RBM47: variants seen among roughly 807,000 people sequenced by gnomAD.
The protein encoded by RBM47 is RNA binding motif protein 47.
A neutral mutation model predicts 47.1 loss-of-function variants in RBM47; 21 were observed. The observed-to-expected ratio is 0.45, with a 90% CI of 0.32 to 0.64. The LOEUF (loss-of-function observed/expected upper bound fraction) is 0.64. RBM47 is among the 30% of genes least tolerant of loss of function. RBM47 has a pLI of 0.05. For missense variants in RBM47, 708 were observed against 870.9 expected, an observed-to-expected ratio of 0.81 and a Z score of 2.35; for synonymous variants, 375 against 361.7, an observed-to-expected ratio of 1.04 and a Z score of -0.42.
intron 1 of RBM47, among the ~76,000 whole-genome samples, chr4:40,579,006 C>T (rs4861247): frequency 0.6 from 90,738 of 151,732 alleles, 27,512 homozygotes; most frequent in East Asian, 0.72. Context: ...GTACTCCCAG[C>T]TACTCAGGAG....
intron 2 of RBM47, among the ~76,000 whole-genome samples, chr4:40,500,566 G>T (rs375023014): frequency 6.6e-6 from 1 of 151,936 alleles, no homozygotes; most frequent in Non-Finnish European, 1.5e-5. Flanking sequence ...AGCCATGACT[G>T]TGCCTGGGTG....
chr4:40,552,618 T>C (rs989234950), intron 1 of RBM47, among the ~76,000 whole-genome samples: 1 of 152,124 alleles, frequency 6.6e-6, no homozygotes, highest in Non-Finnish European at 1.5e-5. Context: ...TCACGTCACT[T>C]CCCTTCTCAA....
At chr4:40,580,987 C>T (rs1326445686) in intron 1 of RBM47, among the ~76,000 whole-genome samples, 2 of 152,202 alleles carry the variant, frequency 1.3e-5, no homozygotes, top group African/African-American at 2.4e-5. Context: ...ATTTTGTTTT[C>T]GCTTTAATTC....
chr4:40,618,618 G>A (rs1027242077), intron 1 of RBM47, among the ~76,000 whole-genome samples: 15 of 151,276 alleles, frequency 9.9e-5, no homozygotes, highest in African/African-American at 3.2e-4. Context: ...AGACCAGCCT[G>A]ACCAACATGG....
intron 2 of RBM47, among the ~76,000 whole-genome samples, chr4:40,507,744 C>G (rs887121928): frequency 3.3e-5 from 5 of 151,624 alleles, no homozygotes; most frequent in Admixed American, 6.6e-5. Context: ...CGAGATCGCG[C>G]CACTTCATTC....
rs75361409 is a variant in RBM47 at position 40,424,483 on chromosome 4, T to C, written c.*1421A>G. 3.7e-4 allele frequency: 56 copies of C among 152,704 alleles called. 1 individual carries two copies. In the East Asian group the frequency reaches 0.011, roughly 29 times the overall value. 9.5% of individuals were successfully genotyped at this position (152,704 alleles called of 1,614,324 possible). On this transcript the variant is annotated 3_prime_UTR_variant, in exon 7 of 7. Transcript: ENST00000295971. Reference sequence around the variant, plus strand: ...ACAAACCTTTTTAATAACATTGAAATAAAATGGTTTCATTTTGCATTAAAC... The same window carrying C: ...ACAAACCTTTTTAATAACATTGAAACAAAATGGTTTCATTTTGCATTAAAC...
intron 1 of RBM47, among the ~76,000 whole-genome samples, chr4:40,611,266 G>C (rs1300680836): frequency 6.6e-6 from 1 of 152,176 alleles, no homozygotes; most frequent in African/African-American, 2.4e-5. Context: ...AAGCACAAAA[G>C]AGTATTTTAT....
At chr4:40,468,002 G>C (rs1252063226) in intron 2 of RBM47, among the ~76,000 whole-genome samples, 1 of 152,014 alleles carries the variant, frequency 6.6e-6, no homozygotes, top group African/African-American at 2.4e-5. Context: ...AATAATAAAG[G>C]AGGCCAGGTG....
chr4:40,569,048 C>T lies in RBM47; in HGVS notation c.-239-24542G>A, dbSNP rs141695761. Among the ~76,000 whole-genome samples, 871 of 146,380 alleles carry T rather than the reference C, an allele frequency of 6.0e-3. 14 individuals are homozygous for T. The highest frequency in any genetic ancestry group is 0.024 in the East Asian group (123 of 5,180). On this transcript the variant is annotated intron_variant, in intron 1 of 6. Coordinates refer to ENST00000295971, the MANE Select transcript of RBM47 (RefSeq NM_001098634.2). ...ACAGACAGACAGACAGACAGACAGA[C>T]AGATAGATAGATAGTATATGTGGTC...
At chr4:40,552,921 T>A (rs1409441968) in intron 1 of RBM47, among the ~76,000 whole-genome samples, 1 of 152,104 alleles carries the variant, frequency 6.6e-6, no homozygotes, top group Admixed American at 6.5e-5. Context: ...AGGTCTTTGC[T>A]CAAATGCCAT....
rs562060984 is a variant in RBM47, at chr4:40,482,907, G to A, written c.-154-16208C>T. Among the ~76,000 whole-genome samples, 30 of 152,216 alleles carry A rather than the reference G, an allele frequency of 2.0e-4. No homozygotes were observed. In the East Asian group the frequency reaches 5.6e-3, roughly 28 times the overall value. ...GTTCAACATATTATTTTACCACTTT[G>A]AAAAGGGAGCTCTTATTTTTTGAAA... On this transcript the variant is annotated intron_variant, in intron 2 of 6. Coordinates refer to ENST00000295971, the MANE Select transcript of RBM47 (RefSeq NM_001098634.2).
intron 1 of RBM47, among the ~76,000 whole-genome samples, chr4:40,600,061 C>T (rs183441641): frequency 1.3e-5 from 2 of 152,028 alleles, no homozygotes; most frequent in Non-Finnish European, 2.9e-5. Flanking sequence ...AGGCTGGAGT[C>T]CACTGGCGCC....
Position 40,437,805 on chromosome 4 carries a change from C to G in RBM47, c.1089G>C (p.Ala363=). 1 of 1,609,298 alleles carries G rather than the reference C, an allele frequency of 6.2e-7. No homozygotes were observed. Residue 363 remains alanine (A), a synonymous_variant, in exon 4 of 7, where the codon GCG becomes GCC. Coordinates refer to ENST00000295971, the MANE Select transcript of RBM47 (RefSeq NM_001098634.2). ...AGTAGTCCCTGTTGGGCCCAATGAG[C>G]GCGTTGTAGGGGTAGCCGTAGTAGG... The part of the protein sequence containing the change: ...TLAYYGYPYN[A]LIGPNRDYFV...
chr4:40,506,455 A>G (rs1274450732), intron 2 of RBM47, among the ~76,000 whole-genome samples: 3 of 152,210 alleles, frequency 2.0e-5, no homozygotes, highest in African/African-American at 7.2e-5. Context: ...AATTATCTCA[A>G]TTAATCCCAA....
chr4:40,608,284 C>G (rs1170031631), intron 1 of RBM47, among the ~76,000 whole-genome samples: 1 of 152,144 alleles, frequency 6.6e-6, no homozygotes, highest in East Asian at 1.9e-4. Flanking sequence ...AGTGAGTTGT[C>G]CCCACATGAG....
At chr4:40,455,001 C>T (rs1716021232) in intron 3 of RBM47, among the ~76,000 whole-genome samples, 1 of 152,152 alleles carries the variant, frequency 6.6e-6, no homozygotes, top group Admixed American at 6.5e-5. Context: ...TGGACATTGG[C>T]TGATAGAGTG....
At chr4:40,583,218 C>T (rs545709214) in intron 1 of RBM47, among the ~76,000 whole-genome samples, 30 of 151,718 alleles carry the variant, frequency 2.0e-4, no homozygotes, top group Admixed American at 4.6e-4. Context: ...CACTTGAGTC[C>T]GAGAGTTCAA....
At chr4:40,511,672 C>T (rs1724945181) in intron 2 of RBM47, among the ~76,000 whole-genome samples, 1 of 152,110 alleles carries the variant, frequency 6.6e-6, no homozygotes, top group South Asian at 2.1e-4. Context: ...AATACTAAAT[C>T]GGGCTGGGCA....
chr4:40,622,372 G>T (rs1737344185), intron 1 of RBM47, among the ~76,000 whole-genome samples: 1 of 152,230 alleles, frequency 6.6e-6, no homozygotes, highest in African/African-American at 2.4e-5. Flanking sequence ...CATCGGGGCA[G>T]CCAGTGCAAA....
Sources: gnomAD v4.1 joint callset for allele counts (sites outside exome capture counted in the v4.1 genomes callset) on GRCh38, gnomAD v4.1.1 for gene constraint, MANE v1.5 for transcripts, NCBI Gene and HGNC (gene_info 2026-07-23, HGNC 2026-07-21) for gene names.